BROX: variants seen among roughly 807,000 people sequenced by gnomAD.
BROX encodes BRO1 domain-containing protein BROX.
BROX carries 53 observed loss-of-function variants against 61.0 expected under a neutral mutation model. The observed-to-expected ratio is 0.87, with a 90% CI of 0.70 to 1.09. The LOEUF (loss-of-function observed/expected upper bound fraction) is 1.09, where lower values mean the gene tolerates loss of function less well. Ranked by LOEUF, BROX falls within the 50% of genes least tolerant of loss-of-function variation. The pLI, the probability that BROX is intolerant of heterozygous loss-of-function variation, is 0.00. For synonymous variants in BROX, 152 were observed against 160.2 expected, an observed-to-expected ratio of 0.95 and a Z score of 0.38; for missense variants, 489 against 472.0, an observed-to-expected ratio of 1.04 and a Z score of -0.33.
chr1:222,720,108 T>C (rs1043782195), intron 4 of BROX, among the ~76,000 whole-genome samples: 16 of 152,154 alleles, frequency 1.1e-4, no homozygotes, highest in African/African-American at 1.9e-4. Flanking sequence ...TTTGTACATA[T>C]TTAGATGCAA....
chr1:222,729,702 G>A lies in BROX; in HGVS notation c.838+1G>A. 2 of 1,607,588 alleles carry A rather than the reference G, an allele frequency of 1.2e-6. No individual in the cohort carries two copies. Among genetic ancestry groups the A allele is most frequent in the Non-Finnish European group, 1.7e-6 (2 of 1,175,236 alleles). On this transcript the variant is annotated splice_donor_variant, in intron 10 of 12. Transcript: ENST00000340934. LOFTEE classifies it high-confidence loss of function. ...AGGTCTCTCCAAGAAGCAGAAAAAT[G>A]TAAGTTTTCCTGCCAGAATATTAAC...
intron 9 of BROX, 129 bp downstream of exon 9, chr1:222,728,957 T>C: frequency 5.1e-6 from 3 of 582,772 alleles, no homozygotes; most frequent in Non-Finnish European, 8.6e-6. Flanking sequence ...TCTCAGTAAA[T>C]GTTCACTGAG....
chr1:222,717,331 A>T (rs1656708343), intron 2 of BROX, among the ~76,000 whole-genome samples: 1 of 152,162 alleles, frequency 6.6e-6, no homozygotes, highest in Non-Finnish European at 1.5e-5. Context: ...TTTTATCTAT[A>T]CCATTGGGCA....
At chr1:222,723,937 G>A (rs576828482) in intron 5 of BROX, among the ~76,000 whole-genome samples, 155 bp from the exon 6 acceptor site, 26 of 152,278 alleles carry the variant, frequency 1.7e-4, no homozygotes, top group Admixed American at 4.6e-4. Context: ...AGGATTACAG[G>A]CCTGGCCTCA....
Position 222,732,680 on chromosome 1 carries a change from A to G in BROX, c.1202A>G (p.Lys401Arg). 1 of 1,613,772 alleles carries G rather than the reference A, an allele frequency of 6.2e-7. No homozygotes were observed. The highest frequency in any genetic ancestry group is 8.5e-7 in the Non-Finnish European group (1 of 1,179,792). Residue 401 changes from lysine (K) to arginine (R), a missense_variant, in exon 13 of 13, where the codon AAA (lysine) becomes AGA (arginine). By Grantham distance (26) the Lys-to-Arg change is conservative. Transcript: ENST00000340934. ...AAACCTGTGAAAGAACCAGACATCA[A>G]ACCTCAAAAGGACACTGGGTGCTAC... is the stretch of plus-strand genomic sequence containing the variant. The part of the protein sequence containing the change: ...EVKPVKEPDI[K>R]PQKDTGCYIS
At chr1:222,716,962 A>T (rs1408362919) in intron 2 of BROX, among the ~76,000 whole-genome samples, 5 of 152,224 alleles carry the variant, frequency 3.3e-5, no homozygotes. Context: ...TCTATATGAG[A>T]TACAGAATCT....
intron 2 of BROX, among the ~76,000 whole-genome samples, chr1:222,716,043 A>G (rs551293810): frequency 2.0e-5 from 3 of 152,340 alleles, no homozygotes; most frequent in Admixed American, 6.5e-5. Context: ...GTATATTACA[A>G]CAGTACAAGG....
intron 8 of BROX, among the ~76,000 whole-genome samples, chr1:222,728,050 C>G (rs550306101): frequency 6.6e-6 from 1 of 152,214 alleles, no homozygotes; most frequent in East Asian, 1.9e-4. Flanking sequence ...GAATCAAACA[C>G]TGGTTTGTAA....
At position 222,732,043 on chromosome 1, in the gene BROX, C is replaced by T. The variant is rs1657975257; in HGVS notation, c.1149+527C>T. Among the ~76,000 whole-genome samples the T allele has an allele frequency of 1.3e-5, 2 of 152,154 alleles. 1 individual carries two copies. Among genetic ancestry groups the T allele is most frequent in the South Asian group, 4.1e-4 (2 of 4,824 alleles). On this transcript the variant is annotated intron_variant, in intron 12 of 12. Coordinates refer to ENST00000340934, the MANE Select transcript of BROX (RefSeq NM_144695.4). ...TGACAAATGAATAAGAATTATTTTA[C>T]AGCCATTGCTCCTTTCTTGAGATTG... is the stretch of plus-strand genomic sequence containing the variant.
intron 9 of BROX, 45 bp downstream of exon 9, chr1:222,728,873 C>T: frequency 7.0e-7 from 1 of 1,430,870 alleles, no homozygotes; most frequent in Middle Eastern, 1.8e-4. Context: ...ATTGTTTCTC[C>T]AGCCCTTGGA....
At position 222,734,869 on chromosome 1, in the gene BROX, T is replaced by G. The variant is rs1658183447; in HGVS notation, c.*2155T>G. 1 of 152,240 alleles carries G rather than the reference T, an allele frequency of 6.6e-6. No homozygotes were observed. Among genetic ancestry groups the G allele is most frequent in the South Asian group, 2.1e-4 (1 of 4,836 alleles). 9.4% of individuals were successfully genotyped at this position (152,240 alleles called of 1,614,324 possible). A position where few individuals can be genotyped will look rare whatever the true frequency, so the allele number is the denominator to read the frequency against. On this transcript the variant is annotated 3_prime_UTR_variant, in exon 13 of 13. Coordinates refer to ENST00000340934, the MANE Select transcript of BROX (RefSeq NM_144695.4). The stretch of plus-strand genomic sequence containing the variant: ...GAAAATGTAATATGCTCAGTGCTTC[T>G]GTAAAATGCAGCAATACTGGTATTA...
intron 5 of BROX, among the ~76,000 whole-genome samples, chr1:222,723,720 C>A (rs1318822457): frequency 1.3e-5 from 2 of 152,124 alleles, no homozygotes; most frequent in Non-Finnish European, 2.9e-5. Context: ...TGTCGCCAGG[C>A]CAGGCTGGAG....
chr1:222,727,186 T>C lies in BROX; in HGVS notation c.599T>C (p.Ile200Thr). Reference protein sequence around the residue: ...EAQEVTIARAIELKHAPGLIA... With the variant: ...EAQEVTIARATELKHAPGLIA... The stretch of plus-strand genomic sequence containing the variant: ...GTTACAGTAACAATTGCTCGAGCAA[T>C]TGAACTAAAACATGCTCCTGGACTA... The change falls in exon 8 of 13, where the codon ATT (isoleucine) becomes ACT (threonine). Residue 200 changes from isoleucine (I) to threonine (T), a missense_variant. Ile to Thr is a moderately conservative substitution (Grantham distance 89, BLOSUM62 -1). Transcript: ENST00000340934. 1 of 1,612,764 alleles carries C rather than the reference T, an allele frequency of 6.2e-7. No homozygotes were observed. Among genetic ancestry groups the C allele is most frequent in the Non-Finnish European group, 8.5e-7 (1 of 1,179,292 alleles).
At chr1:222,714,135 T>C (rs1656334698) in intron 1 of BROX, 1 of 152,206 alleles carries the variant, frequency 6.6e-6, no homozygotes, top group East Asian at 1.9e-4. Flanking sequence ...TTGCCATGTT[T>C]AGGTCTTCGC....
At chr1:222,723,982 C>T in intron 5 of BROX, 110 bp from the exon 6 acceptor site, 1 of 711,602 alleles carries the variant, frequency 1.4e-6, no homozygotes, top group Admixed American at 3.2e-5. Flanking sequence ...AGAAAATTAG[C>T]AGTGAGAAAC....
At chr1:222,713,094 C>T (rs907469991) in intron 1 of BROX, 152 bp downstream of exon 1, 1 of 1,020,930 alleles carries the variant, frequency 9.8e-7, no homozygotes, top group African/African-American at 1.7e-5. Flanking sequence ...AAACAAACGA[C>T]AGAAAGAAAA....
Position 222,731,450 on chromosome 1 carries a change from A to G in BROX, c.1083A>G (p.Thr361=), listed in dbSNP as rs1320197875. The G allele has an allele frequency of 5.0e-6, 8 of 1,605,298 alleles. No homozygotes were observed. The highest frequency in any genetic ancestry group is 3.4e-5 in the South Asian group (3 of 88,902). The change falls in exon 12 of 13, where the codon ACA becomes ACG. Residue 361 remains threonine, a synonymous_variant. Coordinates refer to ENST00000340934, the MANE Select transcript of BROX (RefSeq NM_144695.4). Reference sequence around the variant, plus strand: ...CTATACCTTTCGAATTTCCTCCTACAAGTGTTCAGTGGACACCAGAAACAT... The same window carrying G: ...CTATACCTTTCGAATTTCCTCCTACGAGTGTTCAGTGGACACCAGAAACAT... ...VEPIPFEFPP[T]SVQWTPETLA...
rs1658135226 is a variant in BROX at position 222,734,058 on chromosome 1, T to G, written c.*1344T>G. The G allele has an allele frequency of 6.6e-6, 1 of 152,234 alleles. No individual in the cohort carries two copies. The highest frequency in any genetic ancestry group is 2.1e-4 in the South Asian group (1 of 4,836). 9.4% of individuals were successfully genotyped at this position (152,234 alleles called of 1,614,324 possible). A position where few individuals can be genotyped will look rare whatever the true frequency, so the allele number is the denominator to read the frequency against. On this transcript the variant is annotated 3_prime_UTR_variant, in exon 13 of 13. Coordinates refer to ENST00000340934, the MANE Select transcript of BROX (RefSeq NM_144695.4). ...ATAGCAAAAACATAGAGAACAAATA[T>G]GATCTTAAAAATAGATTGTAACATT...
intron 7 of BROX, 99 bp from the exon 8 acceptor site, chr1:222,727,069 C>T: frequency 1.2e-6 from 1 of 844,948 alleles, no homozygotes; most frequent in Non-Finnish European, 1.9e-6. Context: ...GTATTAAAAT[C>T]CCAGAGAGAT....
Sources: gnomAD v4.1 joint callset for allele counts (sites outside exome capture counted in the v4.1 genomes callset) on GRCh38, gnomAD v4.1.1 for gene constraint, MANE v1.5 for transcripts, NCBI Gene and HGNC (gene_info 2026-07-23, HGNC 2026-07-21) for gene names.